Variants in TRIM6 observed in about 807,000 individuals in gnomAD.
TRIM6 encodes tripartite motif-containing protein 6.
A neutral mutation model predicts 51.2 loss-of-function variants in TRIM6; 43 were observed. That is an observed-to-expected ratio of 0.84 (90% confidence interval 0.66 to 1.08). The LOEUF (loss-of-function observed/expected upper bound fraction) is 1.08. TRIM6 is among the 50% of genes least tolerant of loss of function. The probability of loss-of-function intolerance (pLI) is 0.00; values close to 1 mark genes in which losing one functional copy is unlikely to be tolerated. For synonymous variants in TRIM6, 215 were observed against 232.4 expected, an observed-to-expected ratio of 0.93 and a Z score of 0.68; for missense variants, 669 against 619.0, an observed-to-expected ratio of 1.08 and a Z score of -0.86.
rs112252011 is a variant in TRIM6, at chr11:5,603,124, A to G, written c.18-122A>G. 3.0e-5 allele frequency: 44 copies of G among 1,473,028 alleles called. No individual in the cohort carries two copies. In the African/African-American group the frequency reaches 4.8e-4, roughly 16 times the overall value. The allele number at this position is 1,473,028 out of a possible 1,614,324, so 91.2% of individuals were successfully genotyped here. ...CGGGATAAAGAACGTATTGGATATGAGAATGAGAAGCCCTTGTTACCCCAG... is the reference window on the plus strand; with the variant it reads ...CGGGATAAAGAACGTATTGGATATGGGAATGAGAAGCCCTTGTTACCCCAG... On this transcript the variant is annotated intron_variant, in intron 1 of 7. Transcript: ENST00000380097.
intron 4 of TRIM6, 31 bp downstream of exon 4, chr11:5,605,598 A>C (rs758890975): frequency 5.7e-6 from 9 of 1,582,050 alleles, no homozygotes; most frequent in South Asian, 2.3e-5. Context: ...CAGATCTGAG[A>C]GTCAAGGAAA....
At chr11:5,599,555 C>G (rs1278160600) in intron 1 of TRIM6, among the ~76,000 whole-genome samples, 1 of 152,150 alleles carries the variant, frequency 6.6e-6, no homozygotes, top group Non-Finnish European at 1.5e-5. Context: ...AGGCATCCGC[C>G]ACTACACCCA....
intron 3 of TRIM6, 159 bp from the exon 4 acceptor site, chr11:5,605,178 A>G (rs1848129965): frequency 1.0e-6 from 1 of 967,210 alleles, no homozygotes; most frequent in Admixed American, 2.1e-5. Context: ...AAAGAAGGAA[A>G]GAACAGGCTA....
chr11:5,605,264 CT>C (rs2133842602), intron 3 of TRIM6, 72 bp from the exon 4 acceptor site: 5 of 1,604,930 alleles, frequency 3.1e-6, no homozygotes, highest in Admixed American at 1.7e-5. Flanking sequence ...CTGAGCCCAA[CT>C]TCCCCGCTTT....
chr11:5,596,720 A>T lies in TRIM6; in HGVS notation c.-178A>T, dbSNP rs1847487050. On this transcript the variant is annotated 5_prime_UTR_variant, in exon 1 of 8. Transcript: ENST00000380097. ...ACGGCCAAAGGCTGGCGGAGGAGGG[A>T]TCCCCTGCCTTTCTCGGAACGGAAC... The T allele has an allele frequency of 1.1e-6, 1 of 925,020 alleles. No individual in the cohort carries two copies. The allele number at this position is 925,020 out of a possible 1,614,324, so 57.3% of individuals were successfully genotyped here. A position where few individuals can be genotyped will look rare whatever the true frequency, so the allele number is the denominator to read the frequency against.
intron 5 of TRIM6, among the ~76,000 whole-genome samples, chr11:5,609,249 C>G (rs1269408615): frequency 6.6e-6 from 1 of 152,158 alleles, no homozygotes. Context: ...ATCGTCCCTT[C>G]TGAAATCTGT....
At chr11:5,599,383 A>T (rs888483632) in intron 1 of TRIM6, among the ~76,000 whole-genome samples, 2 of 146,866 alleles carry the variant, frequency 1.4e-5, no homozygotes, top group African/African-American at 5.0e-5. Context: ...TACAATTATT[A>T]TATTTATTTA....
chr11:5,604,801 A>G (rs776472163), intron 3 of TRIM6, 172 bp downstream of exon 3: 18 of 612,502 alleles, frequency 2.9e-5, no homozygotes, highest in Non-Finnish European at 4.5e-5. Context: ...AGAGGAGGTA[A>G]ATAGCAAATA....
chr11:5,604,978 C>T (rs892992266), intron 3 of TRIM6, among the ~76,000 whole-genome samples: 11 of 152,068 alleles, frequency 7.2e-5, no homozygotes, highest in Admixed American at 2.0e-4. Flanking sequence ...TGTGAAGAAG[C>T]CCAGATCTGA....
rs748261198 is a variant in TRIM6 at position 5,611,277 on chromosome 11, CTT to C, written c.1488_1489del (p.Cys497SerfsTer4). The C allele has an allele frequency of 3.2e-5, 52 of 1,614,026 alleles. No individual in the cohort carries two copies. The highest frequency in any genetic ancestry group is 5.0e-5 in the Admixed American group (3 of 60,002). ...CTCTAAATATTACTTTCCCACTACT[CTT>C]TGTCCATATTTTAATCCTTGCAACT... is the stretch of plus-strand genomic sequence containing the variant. ...TFSKYYFPTT[L>X]CPYFNPCNCV... is the part of the protein sequence containing the mutation. On this transcript the variant is annotated frameshift_variant, in exon 8 of 8. Coordinates refer to ENST00000380097, the MANE Select transcript of TRIM6 (RefSeq NM_001003818.3). LOFTEE classifies it high-confidence loss of function.
rs1848577873 is a variant in TRIM6, at chr11:5,611,523, G to A, written c.*181G>A. 3.4e-6 allele frequency: 2 copies of A among 582,912 alleles called. No homozygotes were observed. Among genetic ancestry groups the A allele is most frequent in the South Asian group, 2.3e-5 (1 of 43,156 alleles). 36.1% of individuals were successfully genotyped at this position (582,912 alleles called of 1,614,324 possible). On this transcript the variant is annotated 3_prime_UTR_variant, in exon 8 of 8. Coordinates refer to ENST00000380097, the MANE Select transcript of TRIM6 (RefSeq NM_001003818.3). ...GGCTGGAGTGCACTGGCGCAATCTC[G>A]GCTCACTGCAACCTCTGCCTCCTGG...
intron 1 of TRIM6, among the ~76,000 whole-genome samples, chr11:5,599,383 A>ATT (rs1847682513): frequency 1.1e-4 from 16 of 146,936 alleles, no homozygotes; most frequent in East Asian, 6.0e-4. Flanking sequence ...TACAATTATT[A>ATT]TATTTATTTA....
At chr11:5,606,946 G>A (rs1848246950) in intron 4 of TRIM6, among the ~76,000 whole-genome samples, 1 of 152,230 alleles carries the variant, frequency 6.6e-6, no homozygotes. Context: ...GCTCACGCCT[G>A]TAATCCCAGC....
At chr11:5,604,704 C>T in intron 3 of TRIM6, 75 bp downstream of exon 3, 3 of 1,483,488 alleles carry the variant, frequency 2.0e-6, no homozygotes, top group South Asian at 2.8e-5. Context: ...GCAAAGGAGT[C>T]CTTGTCCTGT....
At chr11:5,597,675 A>T (rs1234204512) in intron 1 of TRIM6, among the ~76,000 whole-genome samples, 2 of 151,654 alleles carry the variant, frequency 1.3e-5, no homozygotes, top group Non-Finnish European at 2.9e-5. Flanking sequence ...CTAACTCTGA[A>T]CCCCCAGCCT....
Position 5,596,799 on chromosome 11 carries a change from G to A in TRIM6, c.-99G>A, listed in dbSNP as rs1290324524. 42 of 1,597,652 alleles carry A rather than the reference G, an allele frequency of 2.6e-5. No individual in the cohort carries two copies. The highest frequency in any genetic ancestry group is 2.9e-5 in the Non-Finnish European group (34 of 1,166,858). ...GATAAAAGCCGAGTGAGCGCGCTCT[G>A]TTCCTTAAGATTAGTTTAAGGTGCC... On this transcript the variant is annotated 5_prime_UTR_variant, in exon 1 of 8. Coordinates refer to ENST00000380097, the MANE Select transcript of TRIM6 (RefSeq NM_001003818.3).
In TRIM6 at chr11:5,603,363, C is replaced by G. The variant is rs1334943333; in HGVS notation, c.135C>G (p.Ile45Met). 1 of 1,613,952 alleles carries G rather than the reference C, an allele frequency of 6.2e-7. No individual in the cohort carries two copies. The highest frequency in any genetic ancestry group is 8.5e-7 in the Non-Finnish European group (1 of 1,180,030). ...TACGAGAAGAGGTGACCTGCCCTATCTGCCTGGAGCTCCTAACAGAACCCC... is the reference window on the plus strand; with the variant it reads ...TACGAGAAGAGGTGACCTGCCCTATGTGCCTGGAGCTCCTAACAGAACCCC... ...VDIREEVTCPICLELLTEPLS... is the reference protein window; with the variant it reads ...VDIREEVTCPMCLELLTEPLS... Residue 45 changes from isoleucine to methionine, a missense_variant, in exon 2 of 8, where the codon ATC becomes ATG. Physicochemically the swap from Ile to Met is conservative, Grantham distance 10. Coordinates refer to ENST00000380097, the MANE Select transcript of TRIM6 (RefSeq NM_001003818.3).
In TRIM6 at chr11:5,605,559, C is replaced by G. The variant is rs1848156415; in HGVS notation, c.826C>G (p.Leu276Val). 1 of 1,611,840 alleles carries G rather than the reference C, an allele frequency of 6.2e-7. No individual in the cohort carries two copies. ...TCGATGTCAGGGGTCAACAATGGAG[C>G]TGCTGCAGGTAAGGCTTGTGAAGGA... ...ERRCQGSTME[L>V]LQDVSDVTER... Residue 276 changes from leucine to valine, a missense_variant, in exon 4 of 8, where the codon CTG becomes GTG. Leu to Val is a conservative substitution (Grantham distance 32, BLOSUM62 1). Coordinates refer to ENST00000380097, the MANE Select transcript of TRIM6 (RefSeq NM_001003818.3).
rs1300705074 is a variant in TRIM6 at position 5,605,406 on chromosome 11, G to A, written c.673G>A (p.Val225Met). The change falls in exon 4 of 8, where the codon GTG (valine) becomes ATG (methionine). Residue 225 changes from valine (V) to methionine (M), a missense_variant. Val to Met is a conservative substitution (Grantham distance 21). Transcript: ENST00000380097. ...FNQLRNILDR[V>M]EQRELKKLEQ... is the part of the protein sequence containing the mutation. ...TCAGCTGCGAAATATCCTAGACAGA[G>A]TGGAGCAACGGGAGCTGAAAAAGCT... 4.5e-5 allele frequency: 73 copies of A among 1,614,082 alleles called. No individual in the cohort carries two copies. The highest frequency in any genetic ancestry group is 6.2e-5 in the Non-Finnish European group (73 of 1,180,052).
Sources: gnomAD v4.1 joint callset for allele counts (sites outside exome capture counted in the v4.1 genomes callset) on GRCh38, gnomAD v4.1.1 for gene constraint, MANE v1.5 for transcripts, NCBI Gene and HGNC (gene_info 2026-07-23, HGNC 2026-07-21) for gene names.